Variants in ITPK1 observed in about 807,000 individuals in gnomAD.
ITPK1 encodes inositol-tetrakisphosphate 1-kinase, also known as inositol 1,3,4-trisphosphate 5/6-kinase.
ITPK1 carries 21 observed loss-of-function variants against 45.3 expected under a neutral mutation model. The observed-to-expected ratio is 0.46, with a 90% CI of 0.33 to 0.67. ITPK1 has a LOEUF of 0.67. Ranked by LOEUF, ITPK1 falls within the 30% of genes least tolerant of loss-of-function variation. ITPK1 has a pLI of 0.02. For missense variants in ITPK1, 474 were observed against 573.5 expected, an observed-to-expected ratio of 0.83 and a Z score of 1.77; for synonymous variants, 258 against 253.6, an observed-to-expected ratio of 1.02 and a Z score of -0.16.
At chr14:92,977,620 G>A (rs1886015725) in intron 5 of ITPK1, among the ~76,000 whole-genome samples, 1 of 152,006 alleles carries the variant, frequency 6.6e-6, no homozygotes, top group African/African-American at 2.4e-5. Context: ...TGACATGAGT[G>A]AGTTCTCTCG....
At chr14:93,107,785 G>A (rs1394670297) in intron 2 of ITPK1, among the ~76,000 whole-genome samples, 1 of 152,146 alleles carries the variant, frequency 6.6e-6, no homozygotes, top group Non-Finnish European at 1.5e-5. Flanking sequence ...GCACTCCCAG[G>A]GGCCATCCAG....
At chr14:92,970,645 T>G in intron 5 of ITPK1, among the ~76,000 whole-genome samples, 1 of 151,942 alleles carries the variant, frequency 6.6e-6, no homozygotes, top group East Asian at 1.9e-4. Context: ...ATCATTTTTT[T>G]TTTTTTTTGA....
intron 2 of ITPK1, among the ~76,000 whole-genome samples, chr14:93,089,952 C>T (rs978165512): frequency 6.6e-6 from 1 of 152,116 alleles, no homozygotes; most frequent in Non-Finnish European, 1.5e-5. Context: ...TCCAGAAGAG[C>T]GGAAGAACTG....
At chr14:92,971,760 T>C (rs1001035140) in intron 5 of ITPK1, among the ~76,000 whole-genome samples, 3 of 152,180 alleles carry the variant, frequency 2.0e-5, no homozygotes, top group Non-Finnish European at 4.4e-5. Context: ...ATCTGTAAAC[T>C]AGGCCAGTGA....
intron 3 of ITPK1, among the ~76,000 whole-genome samples, chr14:93,055,366 C>T (rs145364702): frequency 6.6e-6 from 1 of 152,306 alleles, no homozygotes; most frequent in Non-Finnish European, 1.5e-5. Context: ...ATCTCCTCAG[C>T]TTTAACCAAG....
At chr14:93,104,428 C>T (rs1376198109) in intron 2 of ITPK1, among the ~76,000 whole-genome samples, 1 of 150,986 alleles carries the variant, frequency 6.6e-6, no homozygotes, top group South Asian at 2.1e-4. Context: ...ACACCTTGCA[C>T]TCCGGCCTGG....
chr14:92,981,063 C>G (rs548036806), intron 5 of ITPK1, among the ~76,000 whole-genome samples: 1 of 152,318 alleles, frequency 6.6e-6, no homozygotes, highest in Admixed American at 6.5e-5. Flanking sequence ...CTTGGAGCCC[C>G]CCAGCACTGT....
intron 6 of ITPK1, among the ~76,000 whole-genome samples, 171 bp downstream of exon 6, chr14:92,962,580 C>G (rs2139742602): frequency 6.6e-6 from 1 of 152,250 alleles, no homozygotes; most frequent in African/African-American, 2.4e-5. Flanking sequence ...TGACCTGTGT[C>G]CCCTACCAGG....
Position 92,955,395 on chromosome 14 carries a change from T to C in ITPK1, c.670+2806A>G, listed in dbSNP as rs1884649306. On this transcript the variant is annotated intron_variant, in intron 8 of 10. Transcript: ENST00000267615. ...GCTGGAGAGAATAATGGAGGGAACC[T>C]GCATAAAGCTGGGAGCCTGCGCTGC... 2.0e-5 allele frequency among the ~76,000 whole-genome samples: 3 copies of C among 152,160 alleles called. No individual in the cohort carries two copies. In the South Asian group the frequency reaches 6.2e-4, roughly 31 times the overall value.
At position 92,955,809 on chromosome 14, in the gene ITPK1, G is replaced by A. The variant is rs1884686905; in HGVS notation, c.670+2392C>T. Among the ~76,000 whole-genome samples, 3 of 152,254 alleles carry A rather than the reference G, an allele frequency of 2.0e-5. No homozygotes were observed. The South Asian group carries it at 6.2e-4, about 31-fold the overall frequency. ...CCTGCGTGGCCACGGGAAGTTGGGG[G>A]ACATGTCATTGGGCAAAGGAAATTG... On this transcript the variant is annotated intron_variant, in intron 8 of 10. Transcript: ENST00000267615.
intron 2 of ITPK1, among the ~76,000 whole-genome samples, chr14:93,083,498 A>G (rs1478081309): frequency 1.3e-5 from 2 of 152,196 alleles, no homozygotes; most frequent in Non-Finnish European, 2.9e-5. Context: ...GGAAGTGGGA[A>G]GCCAGGCACA....
intron 3 of ITPK1, among the ~76,000 whole-genome samples, chr14:93,053,023 T>C (rs1265944131): frequency 6.6e-6 from 1 of 151,906 alleles, no homozygotes; most frequent in African/African-American, 2.4e-5. Context: ...ATATACCTAA[T>C]GTTAAATGAC....
chr14:92,970,232 G>C (rs1885579297), intron 5 of ITPK1, among the ~76,000 whole-genome samples: 1 of 152,212 alleles, frequency 6.6e-6, no homozygotes, highest in Admixed American at 6.5e-5. Flanking sequence ...CCCGACGCTG[G>C]ACCTGGGGCA....
At chr14:93,086,527 C>T (rs960723310) in intron 2 of ITPK1, among the ~76,000 whole-genome samples, 22 of 152,224 alleles carry the variant, frequency 1.4e-4, no homozygotes, top group African/African-American at 5.3e-4. Context: ...TGGCCTGGGA[C>T]CAGAGGGGGA....
chr14:93,080,332 T>C (rs777172056), intron 2 of ITPK1, among the ~76,000 whole-genome samples: 1 of 152,218 alleles, frequency 6.6e-6, no homozygotes, highest in Non-Finnish European at 1.5e-5. Flanking sequence ...CCTCATACAT[T>C]GCTTCAATGT....
At chr14:92,944,179 C>T (rs1225916914) in intron 10 of ITPK1, among the ~76,000 whole-genome samples, 1 of 152,186 alleles carries the variant, frequency 6.6e-6, no homozygotes, top group Admixed American at 6.5e-5. Flanking sequence ...CTCCCACCCA[C>T]GTGCTGCTGG....
At chr14:93,050,926 T>C (rs191656965) in intron 3 of ITPK1, among the ~76,000 whole-genome samples, 138 of 152,310 alleles carry the variant, frequency 9.1e-4, no homozygotes, top group African/African-American at 3.1e-3. Flanking sequence ...CTTGCGGTGC[T>C]GGAAGAGACT....
chr14:93,015,356 C>A (rs777144236), intron 4 of ITPK1, among the ~76,000 whole-genome samples: 52 of 152,334 alleles, frequency 3.4e-4, no homozygotes, highest in Non-Finnish European at 6.5e-4. Flanking sequence ...ATCAGCCCAG[C>A]CCTGGCACAG....
rs1889232501 is a variant in ITPK1 at position 93,034,537 on chromosome 14, G to C, written c.121-17736C>G. The stretch of plus-strand genomic sequence containing the variant: ...CACCACAGCTGGCCCCCACTGGGCT[G>C]GGAGATCTGTCTGCTCTGCTCCCCA... On this transcript the variant is annotated intron_variant, in intron 3 of 10. Coordinates refer to ENST00000267615, the MANE Select transcript of ITPK1 (RefSeq NM_014216.6). The surrounding 1 kb of genome is among the most constrained non-coding windows in gnomAD (Gnocchi z 4.1). 6.6e-6 allele frequency among the ~76,000 whole-genome samples: 1 copy of C among 152,154 alleles called. No individual in the cohort carries two copies. The highest frequency in any genetic ancestry group is 1.5e-5 in the Non-Finnish European group (1 of 68,028).
Sources: allele counts gnomAD v4.1 joint callset (sites outside exome capture counted in the v4.1 genomes callset), GRCh38; gene constraint gnomAD v4.1.1; non-coding constraint Gnocchi (gnomAD v3.1); transcripts MANE v1.5; gene names NCBI Gene and HGNC (gene_info 2026-07-23, HGNC 2026-07-21).